The following RABGEF1 variants were observed in gnomAD, a reference collection of about 807,000 sequenced individuals.
RABGEF1 encodes rab5 GDP/GTP exchange factor.
A neutral mutation model predicts 57.3 loss-of-function variants in RABGEF1; 26 were observed. That is an observed-to-expected ratio of 0.45 (90% CI 0.33 to 0.63). RABGEF1 has a LOEUF of 0.63. Among genes scored for constraint, RABGEF1 ranks in the 20% least tolerant of loss-of-function variants. The pLI is 0.02. For missense variants in RABGEF1, 464 were observed against 607.6 expected (o/e 0.76, Z 2.48); for synonymous variants, 185 against 210.7 (o/e 0.88, Z 1.06).
rs552795467 is a variant in RABGEF1, at chr7:66,685,093, G to A, written c.-873+2835G>A. ...AAATGGAATTTTATGTAGCTCTTACGTACAGGCTGCTATATAGCTGATAAG... is the reference window on the plus strand; with the variant it reads ...AAATGGAATTTTATGTAGCTCTTACATACAGGCTGCTATATAGCTGATAAG... On this transcript the variant is annotated intron_variant and NMD_transcript_variant, in intron 1 of 9. Coordinates refer to the RABGEF1 transcript ENST00000607882. Among the ~76,000 whole-genome samples, 23 of 151,114 alleles carry A rather than the reference G, an allele frequency of 1.5e-4. No homozygotes were observed. The East Asian group carries it at 2.9e-3, about 19-fold the overall frequency.
At chr7:66,668,486 T>C in the RABGEF1 span, among the ~76,000 whole-genome samples, 1 of 152,144 alleles carries the variant, frequency 6.6e-6, no homozygotes, top group Non-Finnish European at 1.5e-5. Context: ...AGGTTTCAGG[T>C]GCAGGGGTGT....
At chr7:66,738,030 T>TGTTTTTG (rs1292569244), upstream of RABGEF1, among the ~76,000 whole-genome samples, 9 of 146,890 alleles carry the variant, frequency 6.1e-5, no homozygotes, top group East Asian at 2.0e-4. Flanking sequence ...TTTGTTTTTT[T>TGTTTTTG]TTTTTTTTGA....
intron 2 of RABGEF1, among the ~76,000 whole-genome samples, chr7:66,733,020 A>G (rs1797518879): frequency 6.6e-6 from 1 of 152,104 alleles, no homozygotes; most frequent in Non-Finnish European, 1.5e-5. Flanking sequence ...CCAGCTCCCT[A>G]TATAATGCAG....
chr7:66,745,226 T>C (rs557872010), intron 1 of RABGEF1, among the ~76,000 whole-genome samples: 1 of 152,218 alleles, frequency 6.6e-6, no homozygotes, highest in East Asian at 1.9e-4. Flanking sequence ...ACTTACTCAT[T>C]GTGATGTCTA....
chr7:66,798,992 T>C (rs1786669423), intron 6 of RABGEF1, among the ~76,000 whole-genome samples: 1 of 152,140 alleles, frequency 6.6e-6, no homozygotes, highest in Non-Finnish European at 1.5e-5. Context: ...AAAAGGACAT[T>C]AACGCAGTAG....
At chr7:66,751,713 T>C (rs1801472434) in intron 1 of RABGEF1, among the ~76,000 whole-genome samples, 1 of 152,216 alleles carries the variant, frequency 6.6e-6, no homozygotes, top group Non-Finnish European at 1.5e-5. Context: ...ACAGAGGTTT[T>C]ATACTGTCAT....
At chr7:66,676,489 A>G in the RABGEF1 span, among the ~76,000 whole-genome samples, 1 of 152,156 alleles carries the variant, frequency 6.6e-6, no homozygotes, top group Non-Finnish European at 1.5e-5. Flanking sequence ...ATGTATTTTC[A>G]ATCCGTATTT....
At chr7:66,802,902 A>G (rs1290762390) in intron 7 of RABGEF1, among the ~76,000 whole-genome samples, 1 of 152,264 alleles carries the variant, frequency 6.6e-6, no homozygotes. Context: ...AGATGAAAGA[A>G]CATTGAAAAA....
chr7:66,662,358 T>C, the RABGEF1 span, among the ~76,000 whole-genome samples: 41 of 152,182 alleles, frequency 2.7e-4, no homozygotes, highest in Non-Finnish European at 3.1e-4. Context: ...TTCCAGCTAC[T>C]TGGGAGGCTG....
chr7:66,797,899 T>A (rs1786378684), intron 6 of RABGEF1, among the ~76,000 whole-genome samples: 1 of 152,108 alleles, frequency 6.6e-6, no homozygotes, highest in Admixed American at 6.5e-5. Context: ...GGAGGATCAC[T>A]TGAGGCCAGG....
In RABGEF1 at chr7:66,709,021, T is replaced by G. The variant is rs184829918; in HGVS notation, c.-872-3146T>G. Among the ~76,000 whole-genome samples, 20 of 152,072 alleles carry G rather than the reference T, an allele frequency of 1.3e-4. No homozygotes were observed. The East Asian group carries it at 3.7e-3, about 28-fold the overall frequency. On this transcript the variant is annotated intron_variant and NMD_transcript_variant, in intron 1 of 9. Coordinates refer to the RABGEF1 transcript ENST00000607882. ...AGTATGACCTTATTTTAATTTTTTT[T>G]TTTTGTTTTGGTGAGACAAGAGTTT...
At chr7:66,706,699 C>A (rs896158747) in intron 1 of RABGEF1, among the ~76,000 whole-genome samples, 2 of 151,650 alleles carry the variant, frequency 1.3e-5, no homozygotes, top group Admixed American at 1.3e-4. Flanking sequence ...CAGGTGTGAG[C>A]CACCGCGCCT....
chr7:66,768,957 C>G (rs1369206022), intron 1 of RABGEF1: 2 of 152,158 alleles, frequency 1.3e-5, no homozygotes, highest in Non-Finnish European at 1.5e-5. Context: ...CCTGCACTCT[C>G]ATTTCAGCCA....
At chr7:66,729,051 A>G (rs752676135) in intron 2 of RABGEF1, among the ~76,000 whole-genome samples, 2 of 151,506 alleles carry the variant, frequency 1.3e-5, no homozygotes, top group African/African-American at 4.9e-5. Flanking sequence ...CCTGGGTTCA[A>G]CCGATTCTCC....
At chr7:66,802,696 C>T (rs188727261) in intron 7 of RABGEF1, among the ~76,000 whole-genome samples, 34 of 152,302 alleles carry the variant, frequency 2.2e-4, no homozygotes, top group African/African-American at 6.5e-4. Flanking sequence ...ATGCTAGGAA[C>T]GGGTCTCTGC....
intron 1 of RABGEF1, among the ~76,000 whole-genome samples, chr7:66,705,469 G>C (rs1295196273): frequency 7.0e-6 from 1 of 143,682 alleles, no homozygotes; most frequent in Admixed American, 7.0e-5. Flanking sequence ...GAGAGAGAGA[G>C]AGAGAGAGAG....
intron 1 of RABGEF1, among the ~76,000 whole-genome samples, chr7:66,752,292 C>T (rs774376506): frequency 1.2e-4 from 18 of 151,968 alleles, no homozygotes; most frequent in African/African-American, 2.7e-4. Flanking sequence ...GTCAGGAGTT[C>T]GAGCCCAGCC....
At chr7:66,745,907 C>T (rs1016931495) in intron 1 of RABGEF1, among the ~76,000 whole-genome samples, 1 of 152,104 alleles carries the variant, frequency 6.6e-6, no homozygotes, top group Admixed American at 6.6e-5. Context: ...CTGCAGTGAG[C>T]TGTGATCAAG....
intron 1 of RABGEF1, among the ~76,000 whole-genome samples, chr7:66,684,051 TAAAGAG>T (rs1462975675): frequency 6.6e-6 from 1 of 152,072 alleles, no homozygotes; most frequent in Non-Finnish European, 1.5e-5. Flanking sequence ...GGGTGGTTAT[TAAAGAG>T]AAAAAGTACA....
Sources: gnomAD v4.1 joint callset for allele counts (sites outside exome capture counted in the v4.1 genomes callset) on GRCh38, gnomAD v4.1.1 for gene constraint, MANE v1.5 for transcripts, NCBI Gene and HGNC (gene_info 2026-07-23, HGNC 2026-07-21) for gene names.